Variants in PHF6 observed in about 807,000 individuals in gnomAD.
The protein encoded by PHF6 is PHD-like zinc finger protein.
Under a neutral mutation model 34.0 loss-of-function variants are expected in PHF6, and 7 were observed. The ratio of observed to expected loss-of-function variants is 0.21; its 90% confidence interval spans 0.12 to 0.39. The LOEUF is 0.39. Among genes scored for constraint, PHF6 ranks in the 10% least tolerant of loss-of-function variants. PHF6 has a pLI of 1.00. For synonymous variants in PHF6, 89 were observed against 88.4 expected, an observed-to-expected ratio of 1.01 and a Z score of -0.04; for missense variants, 128 against 262.8, an observed-to-expected ratio of 0.49 and a Z score of 3.55.
intron 5 of PHF6, among the ~76,000 whole-genome samples, chrX:134,413,125 T>C (rs750964302): frequency 2.4e-4 from 27 of 112,261 alleles, no homozygotes; most frequent in Admixed American, 1.1e-3. Flanking sequence ...TAAGGCCACA[T>C]GTTGCTAGTG....
rs757960741 is a variant in PHF6, at chrX:134,393,652, CT to C, written c.374+21del. 2.1e-5 allele frequency: 25 copies of C among 1,176,037 alleles called. No individual in the cohort carries two copies. Among genetic ancestry groups the C allele is most frequent in the Non-Finnish European group, 2.9e-5 (25 of 870,207 alleles). The stretch of plus-strand genomic sequence containing the variant: ...ATTTACATGTAATTATTTAACTTCT[CT>C]TTAAGTTTTTTTTTTAACAATAATA... On this transcript the variant is annotated intron_variant, in intron 4 of 10. Transcript: ENST00000370803.
chrX:134,412,842 C>T (rs1218553439), intron 5 of PHF6, among the ~76,000 whole-genome samples: 3 of 111,827 alleles, frequency 2.7e-5, no homozygotes, highest in Non-Finnish European at 3.8e-5. Flanking sequence ...TCTTTTTGTA[C>T]TTAATATTTG....
At chrX:134,384,578 C>G (rs1467394764) in intron 3 of PHF6, among the ~76,000 whole-genome samples, 1 of 110,009 alleles carries the variant, frequency 9.1e-6, no homozygotes, top group African/African-American at 3.3e-5. Flanking sequence ...ACCATCAACT[C>G]TTCCTTCTTC....
At chrX:134,415,719 A>G (rs939371748) in intron 8 of PHF6, among the ~76,000 whole-genome samples, 1 of 111,423 alleles carries the variant, frequency 9.0e-6, no homozygotes, top group East Asian at 2.8e-4. Context: ...ATTTTCAAAC[A>G]TACCGCAATT....
intron 5 of PHF6, among the ~76,000 whole-genome samples, chrX:134,396,290 G>A (rs1456136223): frequency 9.0e-6 from 1 of 111,586 alleles, no homozygotes; most frequent in Non-Finnish European, 1.9e-5. Flanking sequence ...AGCACACTGA[G>A]ACAGGATATT....
Position 134,428,419 on chromosome X carries a change from A to G in PHF6, c.*2759A>G, listed in dbSNP as rs1238555135. On this transcript the variant is annotated 3_prime_UTR_variant, in exon 11 of 11. Transcript: ENST00000370803. ...TCAGATAGTACTTGCTCAGAAGTACATGCTACTCAAGATATTAAGAGATAA... is the reference window on the plus strand; with the variant it reads ...TCAGATAGTACTTGCTCAGAAGTACGTGCTACTCAAGATATTAAGAGATAA... The G allele has an allele frequency of 2.6e-5, 4 of 155,940 alleles. No homozygotes were observed. The highest frequency in any genetic ancestry group is 3.0e-5 in the African/African-American group (1 of 32,905). 12.9% of individuals were successfully genotyped at this position (155,940 alleles called of 1,213,427 possible). A position where few individuals can be genotyped will look rare whatever the true frequency, so the allele number is the denominator to read the frequency against.
chrX:134,397,946 G>T (rs2077384078), intron 5 of PHF6, among the ~76,000 whole-genome samples: 1 of 111,965 alleles, frequency 8.9e-6, no homozygotes, highest in Non-Finnish European at 1.9e-5. Flanking sequence ...GCAAATGTTT[G>T]GGGGGACCTA....
Position 134,399,686 on chromosome X carries a change from G to GACACACACACAC in PHF6, c.418+5746_418+5757dup, listed in dbSNP as rs749494093. Among the ~76,000 whole-genome samples the GACACACACACAC allele has an allele frequency of 7.0e-3, 672 of 95,521 alleles. 5 individuals carry two copies. Among genetic ancestry groups the GACACACACACAC allele is most frequent in the African/African-American group, 0.026 (643 of 24,343 alleles). The allele number at this position is 95,521 out of a possible 115,157, so 82.9% of individuals were successfully genotyped here. On this transcript the variant is annotated intron_variant, in intron 5 of 10. Coordinates refer to ENST00000370803, the MANE Select transcript of PHF6 (RefSeq NM_001015877.2). ...ACACACACAGACACACACACACACAGACACACACACACACACACACACAGC... is the reference window on the plus strand; with the variant it reads ...ACACACACAGACACACACACACACAGACACACACACACACACACACACACACACACACACAGC...
intron 5 of PHF6, among the ~76,000 whole-genome samples, chrX:134,401,188 C>G (rs2077401405): frequency 9.0e-6 from 1 of 111,378 alleles, no homozygotes; most frequent in Admixed American, 9.6e-5. Context: ...TATTCTAAAG[C>G]CCTGTCTGTC....
At chrX:134,392,644 C>T (rs746436541) in intron 3 of PHF6, among the ~76,000 whole-genome samples, 47 of 111,563 alleles carry the variant, frequency 4.2e-4, no homozygotes, top group African/African-American at 1.5e-3. Context: ...ATATAATCAA[C>T]TTGACATCAC....
intron 9 of PHF6, among the ~76,000 whole-genome samples, chrX:134,422,143 A>G (rs1484205091): frequency 6.3e-5 from 7 of 110,695 alleles, no homozygotes; most frequent in Non-Finnish European, 3.8e-5. Flanking sequence ...GTCTGGTCTC[A>G]AATTCCTGGG....
At chrX:134,417,360 A>G in intron 9 of PHF6, 58 bp downstream of exon 9, 1 of 1,118,536 alleles carries the variant, frequency 8.9e-7, no homozygotes, top group South Asian at 1.9e-5. Context: ...CCTTAAATAG[A>G]TGACATTAGT....
At chrX:134,422,045 C>G (rs2077493877) in intron 9 of PHF6, among the ~76,000 whole-genome samples, 1 of 110,641 alleles carries the variant, frequency 9.0e-6, no homozygotes, top group African/African-American at 3.3e-5. Context: ...CCTCTCACCT[C>G]AGCCTCCCAA....
At chrX:134,425,370 A>G (rs746685936) in intron 10 of PHF6, 40 bp downstream of exon 10, 4 of 1,190,634 alleles carry the variant, frequency 3.4e-6, no homozygotes, top group Non-Finnish European at 4.6e-6. Flanking sequence ...GTCAGGATAC[A>G]ATACACACTG....
chrX:134,409,029 A>G (rs1313149361), intron 5 of PHF6, among the ~76,000 whole-genome samples: 2 of 111,758 alleles, frequency 1.8e-5, no homozygotes, highest in African/African-American at 3.3e-5. Flanking sequence ...TATTTCTTTT[A>G]ACTTAGTTTA....
rs937178140 is a variant in PHF6, at chrX:134,426,480, G to T, written c.*820G>T. 1 of 162,321 alleles carries T rather than the reference G, an allele frequency of 6.2e-6. No individual in the cohort carries two copies. The highest frequency in any genetic ancestry group is 2.0e-3 in the Middle Eastern group (1 of 507). The allele number at this position is 162,321 out of a possible 1,213,427, so 13.4% of individuals were successfully genotyped here. On this transcript the variant is annotated 3_prime_UTR_variant, in exon 11 of 11. Transcript: ENST00000370803. Reference sequence around the variant, plus strand: ...TGTCCGAAACCTGTTCCTCTCAAGTGCCCTGTTGTGTGGAACACTTCACAT... The same window carrying T: ...TGTCCGAAACCTGTTCCTCTCAAGTTCCCTGTTGTGTGGAACACTTCACAT...
At chrX:134,422,955 A>G (rs947461970) in intron 9 of PHF6, among the ~76,000 whole-genome samples, 2 of 112,411 alleles carry the variant, frequency 1.8e-5, no homozygotes, top group Non-Finnish European at 3.8e-5. Flanking sequence ...TTTCAAATGT[A>G]AGCAAAAACA....
At chrX:134,383,937 TAATC>T (rs1414635033) in intron 3 of PHF6, among the ~76,000 whole-genome samples, 1 of 112,474 alleles carries the variant, frequency 8.9e-6, no homozygotes, top group Non-Finnish European at 1.9e-5. Context: ...ATTTAGGACA[TAATC>T]AGACTCCTAT....
At chrX:134,393,448 T>C (rs1170457502) in intron 3 of PHF6, 53 bp from the exon 4 acceptor site, 5 of 1,179,588 alleles carry the variant, frequency 4.2e-6, no homozygotes, top group Non-Finnish European at 5.7e-6. Flanking sequence ...TAATCTGATA[T>C]ACAGCCTTAG....
Sources: gnomAD v4.1 joint callset for allele counts (sites outside exome capture counted in the v4.1 genomes callset) on GRCh38, gnomAD v4.1.1 for gene constraint, MANE v1.5 for transcripts, NCBI Gene and HGNC (gene_info 2026-07-23, HGNC 2026-07-21) for gene names.